Variants in DLG5 observed in about 807,000 individuals in gnomAD.
DLG5 encodes disks large homolog 5.
DLG5 carries 48 observed loss-of-function variants against 189.8 expected under a neutral mutation model. That is an observed-to-expected ratio of 0.25 (90% CI 0.20 to 0.32). The LOEUF (loss-of-function observed/expected upper bound fraction) is 0.32. Ranked by LOEUF, DLG5 falls within the 10% of genes least tolerant of loss-of-function variation. The pLI, the probability that DLG5 is intolerant of heterozygous loss-of-function variation, is 1.00. For missense variants in DLG5, 2,160 were observed against 2,544.7 expected (o/e 0.85, Z 3.25); for synonymous variants, 1,016 against 1,054.1 (o/e 0.96, Z 0.70).
Position 77,817,097 on chromosome 10 carries a change from CTA to C in DLG5, c.3785-3_3785-2del. Reference sequence around the variant, plus strand: ...TTGAACTGCAAGTTACTCGAAGAACCTATTGTTCCATAAGGGAACAAAACTTC... The same window carrying C: ...TTGAACTGCAAGTTACTCGAAGAACCTTGTTCCATAAGGGAACAAAACTTC... On this transcript the variant is annotated splice_acceptor_variant and splice_polypyrimidine_tract_variant and intron_variant, in intron 18 of 31. Coordinates refer to ENST00000372391, the MANE Select transcript of DLG5 (RefSeq NM_004747.4). LOFTEE classifies it high-confidence loss of function. The C allele has an allele frequency of 6.2e-7, 1 of 1,614,140 alleles. No individual in the cohort carries two copies. Among genetic ancestry groups the C allele is most frequent in the Non-Finnish European group, 8.5e-7 (1 of 1,180,010 alleles).
rs1589243402 is a variant in DLG5 at position 77,875,134 on chromosome 10, A to G, written c.305-5937T>C. 2.6e-5 allele frequency among the ~76,000 whole-genome samples: 4 copies of G among 152,196 alleles called. No homozygotes were observed. The South Asian group carries it at 8.3e-4, about 32-fold the overall frequency. ...TGAAGGTCGTGCTAGGGCTACTAAG[A>G]GCACAAACAGGATACAAACCCAGGC... On this transcript the variant is annotated intron_variant, in intron 1 of 31. Coordinates refer to ENST00000372391, the MANE Select transcript of DLG5 (RefSeq NM_004747.4).
chr10:77,930,063 G>A (rs1262029057), upstream of DLG5, among the ~76,000 whole-genome samples: 1 of 152,184 alleles, frequency 6.6e-6, no homozygotes, highest in African/African-American at 2.4e-5. Flanking sequence ...TTTAAGGAGA[G>A]CCCTTCCATG....
At chr10:77,924,644 A>C (rs1846632401) in intron 1 of DLG5, among the ~76,000 whole-genome samples, 2 of 152,228 alleles carry the variant, frequency 1.3e-5, no homozygotes, top group Non-Finnish European at 2.9e-5. Flanking sequence ...CCTCATGGCC[A>C]CATCTGACAG....
At position 77,792,488 on chromosome 10, in the gene DLG5, G is replaced by A; in HGVS notation, c.5712C>T (p.Val1904=). The A allele has an allele frequency of 6.2e-7, 1 of 1,614,178 alleles. No individual in the cohort carries two copies. Among genetic ancestry groups the A allele is most frequent in the Non-Finnish European group, 8.5e-7 (1 of 1,180,040 alleles). ...SSICTQILAM[V]NQEQNKVLWI... ...ACAGGACTTTATTTTGTTCTTGATTGACCATTGCCAAGATCTGAGTGCAAA... is the reference window on the plus strand; with the variant it reads ...ACAGGACTTTATTTTGTTCTTGATTAACCATTGCCAAGATCTGAGTGCAAA... The change falls in exon 32 of 32, where the codon GTC becomes GTT. Residue 1904 remains valine (V), a synonymous_variant. Coordinates refer to ENST00000372391, the MANE Select transcript of DLG5 (RefSeq NM_004747.4).
intron 1 of DLG5, among the ~76,000 whole-genome samples, chr10:77,913,043 C>T (rs1846268012): frequency 6.6e-6 from 1 of 152,106 alleles, no homozygotes; most frequent in African/African-American, 2.4e-5. Flanking sequence ...CTGGCTCTCA[C>T]CTAAGAGTGC....
intron 1 of DLG5, among the ~76,000 whole-genome samples, chr10:77,917,540 GAAA>G (rs1191030362): frequency 6.7e-6 from 1 of 149,124 alleles, no homozygotes; most frequent in Non-Finnish European, 1.5e-5. Flanking sequence ...AAAAAAAGAA[GAAA>G]GAGAGAGAGA....
intron 2 of DLG5, among the ~76,000 whole-genome samples, chr10:77,860,049 C>T (rs1266794191): frequency 2.0e-5 from 3 of 152,342 alleles, no homozygotes; most frequent in South Asian, 4.1e-4. Flanking sequence ...AACCTCTAAC[C>T]AAGCCCAGGG....
intron 1 of DLG5, among the ~76,000 whole-genome samples, chr10:77,904,988 G>A (rs1013159558): frequency 6.6e-6 from 1 of 152,012 alleles, no homozygotes; most frequent in Non-Finnish European, 1.5e-5. Context: ...AATTAGCCGG[G>A]TGTGGTGGCA....
At chr10:77,868,145 A>C (rs1214898684) in intron 2 of DLG5, 3 of 454,042 alleles carry the variant, frequency 6.6e-6, no homozygotes, top group East Asian at 1.4e-4. Context: ...TGAGACAATC[A>C]ATTTCTGCTG....
the DLG5 span, among the ~76,000 whole-genome samples, chr10:77,933,140 C>A: frequency 6.6e-6 from 1 of 152,196 alleles, no homozygotes; most frequent in South Asian, 2.1e-4. Context: ...CTTTAGGAAG[C>A]CATACTTGCC....
At chr10:77,819,860 G>C (rs200610950) in intron 16 of DLG5, 35 bp downstream of exon 16, 11 of 1,519,246 alleles carry the variant, frequency 7.2e-6, no homozygotes, top group South Asian at 1.3e-5. Context: ...AGTTTACACC[G>C]ACCCTCAGCC....
At chr10:77,836,272 T>G (rs11002310) in intron 7 of DLG5, among the ~76,000 whole-genome samples, 41,598 of 151,882 alleles carry the variant, frequency 0.27, 6,241 homozygotes, top group Non-Finnish European at 0.35. Context: ...CCCTAGAGAG[T>G]TATATGCTCC....
chr10:77,877,994 C>A (rs1845159024), intron 1 of DLG5, among the ~76,000 whole-genome samples: 1 of 152,196 alleles, frequency 6.6e-6, no homozygotes, highest in South Asian at 2.1e-4. Flanking sequence ...GCCATGTCTG[C>A]CCTAGAATAA....
intron 22 of DLG5, 31 bp from the exon 23 acceptor site, chr10:77,811,265 C>T (rs1841757836): frequency 1.9e-6 from 3 of 1,598,844 alleles, no homozygotes; most frequent in South Asian, 1.1e-5. Flanking sequence ...GGATAAGGAG[C>T]AGTACGAAGC....
At position 77,796,323 on chromosome 10, in the gene DLG5, G is replaced by C. The variant is rs1264524703; in HGVS notation, c.5308+128C>G. 1 of 1,583,882 alleles carries C rather than the reference G, an allele frequency of 6.3e-7. No individual in the cohort carries two copies. ...TGCATGAATCTGACCCATGTCAGCA[G>C]GCTTCTGGAACACTGTGAAATCTGC... On this transcript the variant is annotated intron_variant, in intron 28 of 31. Coordinates refer to ENST00000372391, the MANE Select transcript of DLG5 (RefSeq NM_004747.4). This position sits in a 1 kb window ranked among gnomAD's most constrained non-coding sequence, Gnocchi z 5.2.
At chr10:77,830,599 G>T (rs1842851908) in intron 10 of DLG5, 142 bp downstream of exon 10, 61 of 1,376,254 alleles carry the variant, frequency 4.4e-5, no homozygotes, top group Non-Finnish European at 6.0e-5. Flanking sequence ...GACAGCTGCT[G>T]GGAAAGGATG....
chr10:77,936,921 C>A, the DLG5 span, among the ~76,000 whole-genome samples: 2 of 152,196 alleles, frequency 1.3e-5, no homozygotes, highest in East Asian at 3.9e-4. Flanking sequence ...GTGATAACAT[C>A]ATCCTGGTTA....
chr10:77,849,733 G>A (rs1054216796), intron 5 of DLG5, among the ~76,000 whole-genome samples: 1 of 152,250 alleles, frequency 6.6e-6, no homozygotes, highest in Non-Finnish European at 1.5e-5. Flanking sequence ...AGGAAAGGGA[G>A]AGGGGGACAG....
chr10:77,803,308 GA>G, intron 27 of DLG5, among the ~76,000 whole-genome samples: 1 of 152,340 alleles, frequency 6.6e-6, no homozygotes, highest in South Asian at 2.1e-4. Flanking sequence ...TCAGATTGTG[GA>G]AATTCCTCAC....
Sources: allele counts gnomAD v4.1 joint callset (sites outside exome capture counted in the v4.1 genomes callset), GRCh38; gene constraint gnomAD v4.1.1; non-coding constraint Gnocchi (gnomAD v3.1); transcripts MANE v1.5; gene names NCBI Gene and HGNC (gene_info 2026-07-23, HGNC 2026-07-21).